The following ERC2 variants were observed in gnomAD, a reference collection of about 807,000 sequenced individuals.
The protein encoded by ERC2 is ERC protein 2.
ERC2 carries 42 observed loss-of-function variants against 114.8 expected under a neutral mutation model. The observed-to-expected ratio is 0.37, with a 90% CI of 0.29 to 0.47. The LOEUF is 0.47. Ranked by LOEUF, ERC2 falls within the 20% of genes least tolerant of loss-of-function variation. The pLI is 0.99. For synonymous variants in ERC2, 454 were observed against 425.5 expected, an observed-to-expected ratio of 1.07 and a Z score of -0.82; for missense variants, 939 against 1,150.7, an observed-to-expected ratio of 0.82 and a Z score of 2.66.
At chr3:55,758,774 AAAC>A (rs576413077) in intron 14 of ERC2, among the ~76,000 whole-genome samples, 7 of 152,340 alleles carry the variant, frequency 4.6e-5, no homozygotes, top group African/African-American at 1.7e-4. Context: ...CAAAAAGCTC[AAAC>A]TGCGTAACGT....
At chr3:56,285,614 G>A (rs937541635) in intron 3 of ERC2, among the ~76,000 whole-genome samples, 1 of 152,134 alleles carries the variant, frequency 6.6e-6, no homozygotes, top group Non-Finnish European at 1.5e-5. Context: ...CAGGAAGAAG[G>A]GCAGAGAGTG....
intron 17 of ERC2, among the ~76,000 whole-genome samples, chr3:55,539,867 T>C (rs2054276839): frequency 6.6e-6 from 1 of 151,982 alleles, no homozygotes. Flanking sequence ...TTTATTAAAA[T>C]AATAAAAATA....
At chr3:55,818,700 T>C (rs944032472) in intron 14 of ERC2, among the ~76,000 whole-genome samples, 2 of 152,210 alleles carry the variant, frequency 1.3e-5, no homozygotes, top group African/African-American at 4.8e-5. Context: ...GTGTGCAATG[T>C]GACAAGGCAG....
chr3:55,617,500 G>C (rs1325651520), intron 17 of ERC2, among the ~76,000 whole-genome samples: 2 of 152,184 alleles, frequency 1.3e-5, no homozygotes, highest in African/African-American at 4.8e-5. Context: ...CCTCCGGCCA[G>C]CAGGATCAGA....
At chr3:56,468,014 C>T (rs2063629776) in intron 1 of ERC2, among the ~76,000 whole-genome samples, 2 of 152,096 alleles carry the variant, frequency 1.3e-5, no homozygotes, top group African/African-American at 4.8e-5. Flanking sequence ...AAACCGTGCA[C>T]TTGTTCCAAT....
chr3:56,197,013 A>T (rs2048148159), intron 3 of ERC2, among the ~76,000 whole-genome samples: 1 of 152,092 alleles, frequency 6.6e-6, no homozygotes, highest in East Asian at 1.9e-4. Flanking sequence ...ACAGATTCAA[A>T]ACAATTAAAA....
chr3:56,065,480 C>T (rs374747075), intron 7 of ERC2, among the ~76,000 whole-genome samples: 17 of 151,980 alleles, frequency 1.1e-4, no homozygotes, highest in South Asian at 4.2e-4. Context: ...CCTCAGCCAC[C>T]GTGCCCAGCC....
chr3:55,651,809 C>T (rs1324025156), intron 17 of ERC2, among the ~76,000 whole-genome samples: 1 of 152,198 alleles, frequency 6.6e-6, no homozygotes, highest in Non-Finnish European at 1.5e-5. Flanking sequence ...ACTCATTCTG[C>T]CACACACAGG....
intron 3 of ERC2, among the ~76,000 whole-genome samples, chr3:56,274,058 G>T (rs149892897): frequency 6.6e-6 from 1 of 152,164 alleles, no homozygotes; most frequent in South Asian, 2.1e-4. Context: ...ACTCCAGGCC[G>T]CCAACCATTA....
chr3:55,764,864 G>A (rs535106842), intron 14 of ERC2, among the ~76,000 whole-genome samples: 1 of 152,140 alleles, frequency 6.6e-6, no homozygotes, highest in African/African-American at 2.4e-5. Flanking sequence ...GTAGCCTAAT[G>A]TGACTACGGG....
At chr3:56,069,687 A>C (rs959037251) in intron 7 of ERC2, among the ~76,000 whole-genome samples, 1 of 152,172 alleles carries the variant, frequency 6.6e-6, no homozygotes, top group Non-Finnish European at 1.5e-5. Flanking sequence ...TAGAGTTATA[A>C]ATGACTTTTA....
At chr3:56,180,334 A>G (rs868069756) in intron 3 of ERC2, among the ~76,000 whole-genome samples, 4 of 152,206 alleles carry the variant, frequency 2.6e-5, no homozygotes, top group Admixed American at 6.5e-5. Context: ...CCAATCATTC[A>G]TCTTGTCAAA....
chr3:55,974,955 T>A (rs1007693830), intron 12 of ERC2, among the ~76,000 whole-genome samples: 1 of 152,214 alleles, frequency 6.6e-6, no homozygotes, highest in African/African-American at 2.4e-5. Flanking sequence ...GTAGTCCCTA[T>A]GGTCCCAGGA....
At chr3:55,595,696 C>T (rs565268774) in intron 17 of ERC2, among the ~76,000 whole-genome samples, 179 of 152,310 alleles carry the variant, frequency 1.2e-3, no homozygotes, top group African/African-American at 4.1e-3. Flanking sequence ...AACAGTTTTA[C>T]AGGAGCTATT....
At chr3:55,569,625 C>T (rs1159795299) in intron 17 of ERC2, among the ~76,000 whole-genome samples, 1 of 152,168 alleles carries the variant, frequency 6.6e-6, no homozygotes, top group Non-Finnish European at 1.5e-5. Context: ...GTGCCTGAAA[C>T]TCCTCTTAAG....
At position 55,582,235 on chromosome 3, in the gene ERC2, A is replaced by T. The variant is rs548530152; in HGVS notation, c.*40-70959T>A. Reference sequence around the variant, plus strand: ...AGAGTTTATTGTGAACTCTGGTTTCACAGAAGCTTTCTCTGCTAGAATTTA... The same window carrying T: ...AGAGTTTATTGTGAACTCTGGTTTCTCAGAAGCTTTCTCTGCTAGAATTTA... On this transcript the variant is annotated intron_variant, in intron 17 of 17. Coordinates refer to ENST00000288221, the MANE Select transcript of ERC2 (RefSeq NM_015576.3). 3.3e-5 allele frequency among the ~76,000 whole-genome samples: 5 copies of T among 152,294 alleles called. No individual in the cohort carries two copies. The East Asian group carries it at 7.7e-4, about 23-fold the overall frequency.
Position 56,229,697 on chromosome 3 carries a change from G to T in ERC2, c.1075-56177C>A, listed in dbSNP as rs183218597. On this transcript the variant is annotated intron_variant, in intron 3 of 17. Coordinates refer to ENST00000288221, the MANE Select transcript of ERC2 (RefSeq NM_015576.3). ...TATTAATTACTTAAGCAGAAGACAT[G>T]ATGTGGATTGAGACATCTCTAATAA... 5.0e-3 allele frequency among the ~76,000 whole-genome samples: 759 copies of T among 152,122 alleles called. 5 individuals are homozygous for T. The highest frequency in any genetic ancestry group is 0.018 in the African/African-American group (729 of 41,486).
intron 12 of ERC2, among the ~76,000 whole-genome samples, chr3:55,958,060 A>G (rs140234427): frequency 6.6e-6 from 1 of 152,158 alleles, no homozygotes; most frequent in African/African-American, 2.4e-5. Context: ...AGGAAGAATG[A>G]AGTATATGGA....
chr3:56,391,292 G>T (rs879054494), intron 2 of ERC2, among the ~76,000 whole-genome samples: 1 of 152,132 alleles, frequency 6.6e-6, no homozygotes, highest in Admixed American at 6.5e-5. Context: ...CATCTAAGTT[G>T]CCTGGTCACA....
Sources: allele counts gnomAD v4.1 joint callset (sites outside exome capture counted in the v4.1 genomes callset), GRCh38; gene constraint gnomAD v4.1.1; transcripts MANE v1.5; gene names NCBI Gene and HGNC (gene_info 2026-07-23, HGNC 2026-07-21).